Variants in STXBP5L observed in about 807,000 individuals in gnomAD.
The protein encoded by STXBP5L is syntaxin binding protein 5L, also known as syntaxin-binding protein 5-like.
A neutral mutation model predicts 144.5 loss-of-function variants in STXBP5L; 65 were observed. The ratio of observed to expected loss-of-function variants is 0.45; its 90% CI spans 0.37 to 0.55. STXBP5L has a LOEUF of 0.55. STXBP5L is among the 20% of genes least tolerant of loss of function. The pLI is 0.00. For synonymous variants in STXBP5L, 505 were observed against 469.6 expected (o/e 1.08, Z -0.97); for missense variants, 1,298 against 1,405.5 (o/e 0.92, Z 1.22).
chr3:120,976,625 A>C (rs1941058044), intron 3 of STXBP5L, among the ~76,000 whole-genome samples: 1 of 151,568 alleles, frequency 6.6e-6, no homozygotes. Context: ...TAGTTCTTTT[A>C]ATTGTGATGT....
At chr3:121,319,258 A>G (rs1233469489) in intron 20 of STXBP5L, among the ~76,000 whole-genome samples, 1 of 152,180 alleles carries the variant, frequency 6.6e-6, no homozygotes, top group Admixed American at 6.5e-5. Flanking sequence ...ACTGAATGAT[A>G]GATCTGTTCT....
intron 9 of STXBP5L, among the ~76,000 whole-genome samples, chr3:121,183,827 C>T (rs752792412): frequency 1.3e-5 from 2 of 152,052 alleles, no homozygotes; most frequent in Admixed American, 6.6e-5. Context: ...CAGCTGGCAT[C>T]TGGCAAGTGC....
intron 3 of STXBP5L, among the ~76,000 whole-genome samples, chr3:121,003,960 G>T (rs932548285): frequency 3.3e-5 from 5 of 152,190 alleles, no homozygotes. Context: ...TAGCCTTGCA[G>T]TATAGTTTGA....
chr3:120,928,247 G>T (rs770954257), intron 2 of STXBP5L, among the ~76,000 whole-genome samples: 3 of 113,824 alleles, frequency 2.6e-5, no homozygotes, highest in Non-Finnish European at 5.3e-5. Flanking sequence ...TTTTCCAGAG[G>T]CAATTAAATT....
At chr3:121,296,405 T>C (rs1054829394) in intron 19 of STXBP5L, among the ~76,000 whole-genome samples, 1 of 152,170 alleles carries the variant, frequency 6.6e-6, no homozygotes, top group African/African-American at 2.4e-5. Context: ...ATTTCAAATA[T>C]AAGTGAAAGA....
At chr3:121,378,373 C>T (rs2046244132) in intron 20 of STXBP5L, among the ~76,000 whole-genome samples, 1 of 152,108 alleles carries the variant, frequency 6.6e-6, no homozygotes, top group East Asian at 1.9e-4. Flanking sequence ...TTTTTAAACT[C>T]CAAGCACTTA....
chr3:121,406,873 T>A (rs2047004365), intron 22 of STXBP5L, among the ~76,000 whole-genome samples: 1 of 152,010 alleles, frequency 6.6e-6, no homozygotes, highest in Non-Finnish European at 1.5e-5. Flanking sequence ...AAAAGGACTT[T>A]AAGGGGGACT....
chr3:121,078,735 G>A (rs1036328960), intron 5 of STXBP5L, among the ~76,000 whole-genome samples: 5 of 152,234 alleles, frequency 3.3e-5, no homozygotes, highest in Admixed American at 2.0e-4. Flanking sequence ...GAAATCAAGT[G>A]CAATGCCAGT....
At chr3:121,034,330 C>G (rs1331926586) in intron 3 of STXBP5L, among the ~76,000 whole-genome samples, 1 of 152,064 alleles carries the variant, frequency 6.6e-6, no homozygotes. Flanking sequence ...TTATTTCACA[C>G]TTTATGTCCA....
chr3:121,211,002 A>G (rs1054063061), intron 10 of STXBP5L, among the ~76,000 whole-genome samples: 8 of 152,176 alleles, frequency 5.3e-5, no homozygotes. Context: ...ATGGCATTGA[A>G]TCTATAAATT....
intron 5 of STXBP5L, among the ~76,000 whole-genome samples, chr3:121,079,171 C>T (rs535122297): frequency 1.5e-4 from 23 of 152,348 alleles, no homozygotes; most frequent in Middle Eastern, 3.4e-3. Flanking sequence ...CCGGCTCAGC[C>T]GGACATATGT....
At chr3:121,209,818 A>C (rs541457029) in intron 10 of STXBP5L, among the ~76,000 whole-genome samples, 2 of 152,078 alleles carry the variant, frequency 1.3e-5, no homozygotes, top group Non-Finnish European at 2.9e-5. Context: ...ACATTTTCTT[A>C]ATCCAGTCTA....
chr3:121,163,769 TG>T lies in STXBP5L; in HGVS notation c.877+6143del, dbSNP rs531522113. The stretch of plus-strand genomic sequence containing the variant: ...AATAAATAAAACGTTGAATATATCA[TG>T]TTTTTTTTTTTAATTTTAAATGTCA... On this transcript the variant is annotated intron_variant, in intron 9 of 26. Coordinates refer to ENST00000471454, the MANE Select transcript of STXBP5L (RefSeq NM_001308330.2). Among the ~76,000 whole-genome samples the T allele has an allele frequency of 2.7e-4, 40 of 150,746 alleles. No homozygotes were observed. The South Asian group carries it at 4.2e-3, about 16-fold the overall frequency.
In STXBP5L at chr3:121,086,542, G is replaced by T. The variant is rs75957162; in HGVS notation, c.471-28383G>T. Among the ~76,000 whole-genome samples, 39 of 152,136 alleles carry T rather than the reference G, an allele frequency of 2.6e-4. 1 individual carries two copies. Among genetic ancestry groups the T allele is most frequent in the African/African-American group, 9.4e-4 (39 of 41,538 alleles). ...TTCACTACAGTAACATACGGTACAG[G>T]TTTGTAGCCTAGGAGCAATAGGCTA... On this transcript the variant is annotated intron_variant, in intron 5 of 26. Coordinates refer to ENST00000471454, the MANE Select transcript of STXBP5L (RefSeq NM_001308330.2).
chr3:121,303,470 T>C (rs1324444742), intron 19 of STXBP5L, among the ~76,000 whole-genome samples: 69 of 152,288 alleles, frequency 4.5e-4, no homozygotes, highest in African/African-American at 1.5e-3. Flanking sequence ...GTCAGTGTGG[T>C]GATTCCTCAG....
chr3:120,975,332 T>A (rs1940835789), intron 3 of STXBP5L, among the ~76,000 whole-genome samples: 2 of 152,186 alleles, frequency 1.3e-5, no homozygotes, highest in African/African-American at 4.8e-5. Flanking sequence ...ACTCATGATT[T>A]GGCTCTTTGT....
chr3:120,996,577 A>G (rs1247454129), intron 3 of STXBP5L, among the ~76,000 whole-genome samples: 1 of 152,148 alleles, frequency 6.6e-6, no homozygotes, highest in African/African-American at 2.4e-5. Context: ...ATCCTGTATA[A>G]CTGAAACTTT....
In STXBP5L at chr3:121,357,928, A is replaced by C. The variant is rs1396374253; in HGVS notation, c.2177-20788A>C. 3 of 152,240 alleles carry C rather than the reference A, an allele frequency of 2.0e-5. No homozygotes were observed. The East Asian group carries it at 5.8e-4, about 29-fold the overall frequency. 9.4% of individuals were successfully genotyped at this position (152,240 alleles called of 1,614,324 possible). On this transcript the variant is annotated intron_variant, in intron 20 of 26. Transcript: ENST00000471454. ...ACTCAAATACCTATTTATGAAGTGG[A>C]AAAGCAATATTTTAAAATCTTTTTT... is the stretch of plus-strand genomic sequence containing the variant.
intron 3 of STXBP5L, among the ~76,000 whole-genome samples, chr3:121,025,007 A>T (rs778933647): frequency 7.9e-5 from 12 of 152,144 alleles, no homozygotes; most frequent in Non-Finnish European, 1.8e-4. Context: ...AGGTCTCCAA[A>T]ACTAGGTGGC....
Sources: allele counts gnomAD v4.1 joint callset (sites outside exome capture counted in the v4.1 genomes callset), GRCh38; gene constraint gnomAD v4.1.1; transcripts MANE v1.5; gene names NCBI Gene and HGNC (gene_info 2026-07-23, HGNC 2026-07-21).